NTM: variants seen among roughly 807,000 people sequenced by gnomAD.
NTM encodes IgLON family member 2.
NTM carries 13 observed loss-of-function variants against 42.1 expected under a neutral mutation model. The ratio of observed to expected loss-of-function variants is 0.31; its 90% CI spans 0.20 to 0.49. The LOEUF (loss-of-function observed/expected upper bound fraction) is 0.49, where lower values mean the gene tolerates loss of function less well. Ranked by LOEUF, NTM falls within the 20% of genes least tolerant of loss-of-function variation. The pLI, the probability that NTM is intolerant of heterozygous loss-of-function variation, is 0.99. For missense variants in NTM, 373 were observed against 452.8 expected, an observed-to-expected ratio of 0.82 and a Z score of 1.60; for synonymous variants, 187 against 179.2, an observed-to-expected ratio of 1.04 and a Z score of -0.35.
chr11:132,202,597 G>A (rs1022326166), intron 3 of NTM, among the ~76,000 whole-genome samples: 1 of 152,128 alleles, frequency 6.6e-6, no homozygotes, highest in African/African-American at 2.4e-5. Flanking sequence ...TCTTAGATGT[G>A]ACCCACATAA....
Position 132,008,874 on chromosome 11 carries a change from T to G in NTM, c.167+97226T>G, listed in dbSNP as rs532663725. The stretch of plus-strand genomic sequence containing the variant: ...CTTTCTTTCCTTGTTTTCTTTTTTT[T>G]TTTTCCTGTTGTCAGAGCCCTAGGA... On this transcript the variant is annotated intron_variant, in intron 2 of 8. Transcript: ENST00000683400. Among the ~76,000 whole-genome samples the G allele has an allele frequency of 2.9e-4, 44 of 152,124 alleles. 1 individual carries two copies. The highest frequency in any genetic ancestry group is 2.6e-3 in the Admixed American group (39 of 15,290).
intron 2 of NTM, among the ~76,000 whole-genome samples, chr11:132,027,447 C>T (rs181100303): frequency 2.6e-5 from 4 of 152,334 alleles, no homozygotes; most frequent in African/African-American, 9.6e-5. Flanking sequence ...CAAATTCCCT[C>T]AACTTTTGAT....
intron 3 of NTM, among the ~76,000 whole-genome samples, chr11:132,194,174 C>A (rs2079787437): frequency 6.6e-6 from 1 of 151,470 alleles, no homozygotes; most frequent in African/African-American, 2.4e-5. Flanking sequence ...AACAACAAAT[C>A]TTCAGGTTAT....
chr11:131,978,153 G>C (rs1446852650), intron 2 of NTM, among the ~76,000 whole-genome samples: 23 of 152,124 alleles, frequency 1.5e-4, no homozygotes, highest in Admixed American at 1.4e-3. Flanking sequence ...TAAAAAGGCT[G>C]CTTCAAAACT....
intron 1 of NTM, among the ~76,000 whole-genome samples, chr11:131,702,603 A>C (rs1007824698): frequency 6.6e-6 from 1 of 152,222 alleles, no homozygotes; most frequent in Non-Finnish European, 1.5e-5. Context: ...CACCAGACAA[A>C]CAGGAAGAAA....
rs1591851622 is a variant in NTM at position 131,789,539 on chromosome 11, G to A, written c.83-122025G>A. On this transcript the variant is annotated intron_variant, in intron 1 of 8. Transcript: ENST00000683400. ...AGAAGAAGAAGAAGAAGAAGAAGAA[G>A]AAGAAGAAAAGAAGAAGAAGAAGAA... 8.9e-5 allele frequency among the ~76,000 whole-genome samples: 2 copies of A among 22,410 alleles called. 1 individual carries two copies. Among genetic ancestry groups the A allele is most frequent in the Non-Finnish European group, 1.5e-4 (2 of 13,188 alleles). 14.7% of individuals were successfully genotyped at this position (22,410 alleles called of 152,430 possible). A position where few individuals can be genotyped will look rare whatever the true frequency, so the allele number is the denominator to read the frequency against.
At chr11:132,072,756 C>G (rs913012135) in intron 2 of NTM, among the ~76,000 whole-genome samples, 1 of 152,104 alleles carries the variant, frequency 6.6e-6, no homozygotes, top group Non-Finnish European at 1.5e-5. Flanking sequence ...TGCCACCTCC[C>G]CGGGAGAGAG....
chr11:131,815,509 G>T (rs534891060), intron 1 of NTM, among the ~76,000 whole-genome samples: 1 of 152,206 alleles, frequency 6.6e-6, no homozygotes, highest in East Asian at 1.9e-4. Context: ...GACTGGTAGA[G>T]CTCTTAAAGA....
intron 1 of NTM, among the ~76,000 whole-genome samples, chr11:131,804,959 T>C (rs375332333): frequency 1.3e-5 from 2 of 152,280 alleles, no homozygotes; most frequent in East Asian, 3.9e-4. Context: ...ACAGGTGCTC[T>C]CTTGGAAGGG....
intron 2 of NTM, among the ~76,000 whole-genome samples, chr11:132,059,246 G>A (rs556816745): frequency 1.7e-4 from 26 of 152,206 alleles, no homozygotes; most frequent in Non-Finnish European, 3.4e-4. Flanking sequence ...TGGGATTCAC[G>A]GGCCAGGTGG....
intron 1 of NTM, among the ~76,000 whole-genome samples, chr11:131,893,387 G>A (rs978558447): frequency 1.3e-5 from 2 of 152,192 alleles, no homozygotes; most frequent in Non-Finnish European, 2.9e-5. Context: ...GTTAGCTAAT[G>A]AGGGGGTGTT....
At chr11:132,305,838 T>C (rs1473031372) in intron 4 of NTM, among the ~76,000 whole-genome samples, 1 of 152,206 alleles carries the variant, frequency 6.6e-6, no homozygotes, top group African/African-American at 2.4e-5. Context: ...ATGAGTCTAT[T>C]TGGGTTAATG....
intron 1 of NTM, among the ~76,000 whole-genome samples, chr11:131,858,416 G>A (rs989717383): frequency 8.5e-5 from 13 of 152,110 alleles, no homozygotes; most frequent in African/African-American, 3.1e-4. Flanking sequence ...GAGCAGAGGG[G>A]AATGCTGTTT....
chr11:132,322,120 C>T (rs1322491463), intron 7 of NTM, among the ~76,000 whole-genome samples: 1 of 151,872 alleles, frequency 6.6e-6, no homozygotes, highest in African/African-American at 2.4e-5. Context: ...ACTGCATCAA[C>T]TAACGAGCAA....
intron 1 of NTM, among the ~76,000 whole-genome samples, chr11:131,703,002 T>C (rs1370823405): frequency 2.0e-5 from 3 of 152,214 alleles, no homozygotes; most frequent in South Asian, 2.1e-4. Context: ...AGGATAGTCA[T>C]AATTGTTGTA....
rs548981608 is a variant in NTM at position 131,747,157 on chromosome 11, A to G, written c.83-164407A>G. 8.5e-5 allele frequency among the ~76,000 whole-genome samples: 13 copies of G among 152,334 alleles called. No individual in the cohort carries two copies. The South Asian group carries it at 2.5e-3, about 29-fold the overall frequency. On this transcript the variant is annotated intron_variant, in intron 1 of 8. Coordinates refer to ENST00000683400, the MANE Select transcript of NTM (RefSeq NM_001352005.2). ...ATGCTAGAGGGAAACTAAGGCACAG[A>G]TGGAAAATGTGCTTCTCACTACTAC...
intron 1 of NTM, among the ~76,000 whole-genome samples, chr11:131,626,845 T>G (rs1338322079): frequency 6.6e-6 from 1 of 152,154 alleles, no homozygotes; most frequent in African/African-American, 2.4e-5. Flanking sequence ...ACTAAATGAA[T>G]GAGTAAAGAA....
intron 4 of NTM, among the ~76,000 whole-genome samples, chr11:132,305,603 A>C (rs772696565): frequency 1.3e-5 from 2 of 152,218 alleles, no homozygotes; most frequent in Non-Finnish European, 2.9e-5. Context: ...TTGGCACAGT[A>C]ATTATAGCAT....
intron 2 of NTM, among the ~76,000 whole-genome samples, chr11:132,123,253 G>A (rs1271446236): frequency 6.6e-6 from 1 of 152,156 alleles, no homozygotes; most frequent in Admixed American, 6.5e-5. Context: ...TCCATGGCAA[G>A]GACAGAGAAG....
Sources: allele counts gnomAD v4.1 joint callset (sites outside exome capture counted in the v4.1 genomes callset), GRCh38; gene constraint gnomAD v4.1.1; transcripts MANE v1.5; gene names NCBI Gene and HGNC (gene_info 2026-07-23, HGNC 2026-07-21).